RARB: variants seen among roughly 807,000 people sequenced by gnomAD.
The protein encoded by RARB is retinoic acid receptor beta, also known as HBV-activated protein.
Under a neutral mutation model 51.9 loss-of-function variants are expected in RARB, and 17 were observed. The observed-to-expected ratio is 0.33, with a 90% CI of 0.22 to 0.49. The LOEUF is 0.49. Among genes scored for constraint, RARB ranks in the 20% least tolerant of loss-of-function variants. The pLI is 0.99. For missense variants in RARB, 369 were observed against 550.8 expected, an observed-to-expected ratio of 0.67 and a Z score of 3.30; for synonymous variants, 215 against 195.4, an observed-to-expected ratio of 1.10 and a Z score of -0.84.
At chr3:24,997,205 G>T (rs575469272) in intron 2 of RARB, among the ~76,000 whole-genome samples, 120 of 152,186 alleles carry the variant, frequency 7.9e-4, no homozygotes, top group African/African-American at 2.8e-3. Context: ...TGTTGTTATT[G>T]TGTAATGTCT....
At chr3:25,262,821 G>A (rs1349259619) in intron 5 of RARB, among the ~76,000 whole-genome samples, 2 of 152,128 alleles carry the variant, frequency 1.3e-5, no homozygotes, top group Non-Finnish European at 2.9e-5. Flanking sequence ...TCTTTGGAGA[G>A]GATGTCATTC....
In RARB at chr3:25,288,340, A is replaced by G. The variant is rs577380110; in HGVS notation, c.178+113765A>G. Among the ~76,000 whole-genome samples, 8 of 152,144 alleles carry G rather than the reference A, an allele frequency of 5.3e-5. No homozygotes were observed. In the East Asian group the frequency reaches 9.7e-4, roughly 18 times the overall value. On this transcript the variant is annotated intron_variant, in intron 5 of 11. Transcript: ENST00000383772. Reference sequence around the variant, plus strand: ...TTGGAACTGAGTTCAAAAGCAGACCATGAAGCAGTTAATCGCTTCTTCTCT... The same window carrying G: ...TTGGAACTGAGTTCAAAAGCAGACCGTGAAGCAGTTAATCGCTTCTTCTCT...
At chr3:25,060,231 G>T (rs147451493) in intron 3 of RARB, 2 of 151,748 alleles carry the variant, frequency 1.3e-5, no homozygotes, top group East Asian at 1.9e-4. Context: ...TGAAAAACAT[G>T]GAAGTTCTCC....
At chr3:24,878,533 A>G (rs1166247947) in intron 2 of RARB, among the ~76,000 whole-genome samples, 1 of 152,178 alleles carries the variant, frequency 6.6e-6, no homozygotes, top group Non-Finnish European at 1.5e-5. Flanking sequence ...ACTCTAAAGC[A>G]GGACTCTCAA....
At chr3:25,099,244 C>T (rs1457573297) in intron 3 of RARB, among the ~76,000 whole-genome samples, 1 of 152,150 alleles carries the variant, frequency 6.6e-6, no homozygotes, top group African/African-American at 2.4e-5. Flanking sequence ...CCCTTCTTAC[C>T]TTTTCTGCCT....
chr3:25,322,295 T>A (rs755531502), intron 5 of RARB, among the ~76,000 whole-genome samples: 11 of 152,120 alleles, frequency 7.2e-5, no homozygotes, highest in Non-Finnish European at 1.5e-4. Flanking sequence ...GATAAGTGAT[T>A]GTGATGAAGA....
intron 5 of RARB, among the ~76,000 whole-genome samples, chr3:25,314,709 T>C (rs1704375145): frequency 2.6e-5 from 4 of 152,208 alleles, no homozygotes; most frequent in African/African-American, 9.6e-5. Context: ...TCAACTTTTA[T>C]TTTAGACTCA....
Position 25,336,836 on chromosome 3 carries a change from ACGCTGTAGAACGGCT to A in RARB, c.179-124355_179-124341del, listed in dbSNP as rs1277649668. On this transcript the variant is annotated intron_variant, in intron 5 of 11. Transcript: ENST00000383772. ...TATGTTCAGGATGAGAGAGTGATTGACGCTGTAGAACGGCTCACTTGGGAGACCCAGAGTGTCCTG... is the reference window on the plus strand; with the variant it reads ...TATGTTCAGGATGAGAGAGTGATTGACACTTGGGAGACCCAGAGTGTCCTG... Among the ~76,000 whole-genome samples the A allele has an allele frequency of 3.9e-5, 6 of 152,250 alleles. No individual in the cohort carries two copies. In the East Asian group the frequency reaches 1.2e-3, roughly 29 times the overall value.
intron 3 of RARB, among the ~76,000 whole-genome samples, chr3:25,126,873 A>G (rs1215378589): frequency 6.6e-6 from 1 of 152,162 alleles, no homozygotes; most frequent in Non-Finnish European, 1.5e-5. Flanking sequence ...AAGGGCAACT[A>G]AAAGGCAAGG....
chr3:25,431,106 G>A (rs1216251456), intron 1 of RARB, among the ~76,000 whole-genome samples: 1 of 150,168 alleles, frequency 6.7e-6, no homozygotes, highest in Non-Finnish European at 1.5e-5. Flanking sequence ...GGCTACATTT[G>A]TGTAAGTAAG....
Position 25,298,356 on chromosome 3 carries a change from A to G in RARB, c.178+123781A>G, listed in dbSNP as rs144173082. Among the ~76,000 whole-genome samples, 471 of 151,768 alleles carry G rather than the reference A, an allele frequency of 3.1e-3. 4 individuals are homozygous for G. Among genetic ancestry groups the G allele is most frequent in the African/African-American group, 9.8e-3 (407 of 41,392 alleles). On this transcript the variant is annotated intron_variant, in intron 5 of 11. Coordinates refer to the RARB transcript ENST00000383772. ...TGCCACCACGCCTGGCTAATTTTTT[A>G]TTTTTAGTAGAGATGGGGTTTCACT...
At chr3:25,208,552 A>C (rs913249746) in intron 5 of RARB, among the ~76,000 whole-genome samples, 3 of 152,110 alleles carry the variant, frequency 2.0e-5, no homozygotes, top group Non-Finnish European at 4.4e-5. Flanking sequence ...CCTAAATATC[A>C]GTGCCATTCT....
At chr3:25,297,399 ATTCTT>A (rs1703939187) in intron 5 of RARB, among the ~76,000 whole-genome samples, 2 of 61,204 alleles carry the variant, frequency 3.3e-5, no homozygotes, top group East Asian at 5.3e-4. Context: ...CTCAGAAGGT[ATTCTT>A]TTTTTTTTTT....
intron 2 of RARB, among the ~76,000 whole-genome samples, chr3:25,056,010 T>A (rs1260689282): frequency 1.3e-5 from 2 of 152,122 alleles, no homozygotes; most frequent in Admixed American, 1.3e-4. Flanking sequence ...GAGTTTAATC[T>A]AACCAATCTG....
At chr3:25,147,737 T>C (rs1700217611) in intron 4 of RARB, among the ~76,000 whole-genome samples, 1 of 152,216 alleles carries the variant, frequency 6.6e-6, no homozygotes, top group South Asian at 2.1e-4. Context: ...CTGAAGAAGC[T>C]AGAAAAGCTA....
exon 5 of RARB, chr3:25,174,507 C>G (rs746032356): frequency 1.5e-6 from 2 of 1,352,174 alleles, no homozygotes; most frequent in Non-Finnish European, 2.0e-6. Flanking sequence ...GGAGGACTTT[C>G]CCTGCCTCCC....
chr3:24,907,904 T>C (rs946609850), intron 2 of RARB, among the ~76,000 whole-genome samples: 5 of 152,090 alleles, frequency 3.3e-5, no homozygotes, highest in Admixed American at 3.3e-4. Flanking sequence ...AATACTCGTC[T>C]TCACGGGTCT....
At chr3:25,387,438 A>G (rs1706826301) in intron 5 of RARB, among the ~76,000 whole-genome samples, 2 of 152,196 alleles carry the variant, frequency 1.3e-5, no homozygotes, top group Admixed American at 1.3e-4. Flanking sequence ...CAGAGAACCG[A>G]AGTGGGGAGG....
intron 5 of RARB, among the ~76,000 whole-genome samples, chr3:25,314,023 A>G (rs1465855286): frequency 6.6e-6 from 1 of 152,106 alleles, no homozygotes; most frequent in Non-Finnish European, 1.5e-5. Context: ...CTGAGCTATG[A>G]TCACACCACT....
Sources: gnomAD v4.1 joint callset for allele counts (sites outside exome capture counted in the v4.1 genomes callset) on GRCh38, gnomAD v4.1.1 for gene constraint, MANE v1.5 for transcripts, NCBI Gene and HGNC (gene_info 2026-07-23, HGNC 2026-07-21) for gene names.